The following EIF3B variants were observed in gnomAD, a reference collection of about 807,000 sequenced individuals.
EIF3B encodes the protein eukaryotic translation initiation factor 3 subunit 9.
In EIF3B, 10 loss-of-function variants were observed where a neutral mutation model predicts 104.6. That is an observed-to-expected ratio of 0.10 (90% CI 0.06 to 0.16). The LOEUF (loss-of-function observed/expected upper bound fraction) is 0.16. Ranked by LOEUF, EIF3B falls within the 10% of genes least tolerant of loss-of-function variation. The pLI is 1.00. For synonymous variants in EIF3B, 542 were observed against 417.2 expected (o/e 1.30, Z -3.65); for missense variants, 1,014 against 1,087.9 (o/e 0.93, Z 0.96).
Position 2,375,369 on chromosome 7 carries a change from G to T in EIF3B, c.1890-20G>T, listed in dbSNP as rs373560369. The T allele has an allele frequency of 6.2e-7, 1 of 1,613,442 alleles. No homozygotes were observed. The highest frequency in any genetic ancestry group is 8.5e-7 in the Non-Finnish European group (1 of 1,179,420). On this transcript the variant is annotated intron_variant, in intron 13 of 18. Coordinates refer to ENST00000360876, the MANE Select transcript of EIF3B (RefSeq NM_001037283.2). ...GGTATGCGTCTCCATGAAGCCTGACGGTCCTGTCTGTCTTTGCAGTATGAA... is the reference window on the plus strand; with the variant it reads ...GGTATGCGTCTCCATGAAGCCTGACTGTCCTGTCTGTCTTTGCAGTATGAA...
At position 2,357,698 on chromosome 7, in the gene EIF3B, G is replaced by A. The variant is rs543974011; in HGVS notation, c.499+2278G>A. On this transcript the variant is annotated intron_variant, in intron 1 of 18. Coordinates refer to ENST00000360876, the MANE Select transcript of EIF3B (RefSeq NM_001037283.2). ...TTCTCTTCTGTTTTTCCTGGAGACC[G>A]CTTGGGAATCCATGAGCCACGTGTA... Among the ~76,000 whole-genome samples the A allele has an allele frequency of 2.0e-5, 3 of 152,246 alleles. No individual in the cohort carries two copies. In the South Asian group the frequency reaches 6.2e-4, roughly 32 times the overall value.
chr7:2,375,536 C>T lies in EIF3B; in HGVS notation c.2028+9C>T. The T allele has an allele frequency of 6.2e-7, 1 of 1,614,128 alleles. No individual in the cohort carries two copies. The highest frequency in any genetic ancestry group is 1.1e-5 in the South Asian group (1 of 91,082). ...CCTGGTGGAGCCATAAGGTGCAGGC[C>T]TGTGGGGCATAGTTTTGACTGTGGA... On this transcript the variant is annotated intron_variant, in intron 14 of 18. Coordinates refer to ENST00000360876, the MANE Select transcript of EIF3B (RefSeq NM_001037283.2).
At chr7:2,368,709 C>G (rs1359037949) in intron 9 of EIF3B, among the ~76,000 whole-genome samples, 4 of 152,256 alleles carry the variant, frequency 2.6e-5, no homozygotes, top group African/African-American at 9.6e-5. Context: ...TCCTGGTACT[C>G]TTCCATCCGA....
chr7:2,364,926 C>T (rs184243495), intron 6 of EIF3B, among the ~76,000 whole-genome samples: 31 of 152,312 alleles, frequency 2.0e-4, no homozygotes, highest in Admixed American at 1.8e-3. Context: ...TACTTTCCTT[C>T]AGTTCAGGAT....
intron 12 of EIF3B, chr7:2,374,256 A>G (rs1380411961): frequency 2.9e-6 from 1 of 347,854 alleles, no homozygotes; most frequent in African/African-American, 2.0e-5. Context: ...CATTTGCTGT[A>G]AAGGGAATTC....
chr7:2,368,589 G>A (rs1404178058), intron 9 of EIF3B, among the ~76,000 whole-genome samples: 16 of 152,218 alleles, frequency 1.1e-4, no homozygotes, highest in Admixed American at 1.0e-3. Context: ...CAAGGCCAGA[G>A]CCTTGAGTCG....
At chr7:2,357,241 A>G (rs1031442773) in intron 1 of EIF3B, among the ~76,000 whole-genome samples, 2 of 152,212 alleles carry the variant, frequency 1.3e-5, no homozygotes, top group Admixed American at 6.5e-5. Context: ...AGGGTTGGCC[A>G]GGCTGGGTGA....
intron 1 of EIF3B, among the ~76,000 whole-genome samples, chr7:2,358,483 A>G (rs1779570217): frequency 7.0e-6 from 1 of 141,952 alleles, no homozygotes; most frequent in African/African-American, 2.5e-5. Context: ...TAAATACAGT[A>G]AAGAATATTT....
At chr7:2,365,255 G>C (rs1271453840) in intron 6 of EIF3B, among the ~76,000 whole-genome samples, 2 of 152,268 alleles carry the variant, frequency 1.3e-5, no homozygotes, top group South Asian at 2.1e-4. Flanking sequence ...TGGCCGAGCC[G>C]TGATTTTTGA....
At chr7:2,369,378 T>C in intron 9 of EIF3B, 94 bp from the exon 10 acceptor site, 2 of 1,332,400 alleles carry the variant, frequency 1.5e-6, no homozygotes, top group East Asian at 2.3e-5. Context: ...GCATTGAGCT[T>C]CTATATAGCA....
chr7:2,369,398 TTC>T (rs1780200703), intron 9 of EIF3B, 72 bp from the exon 10 acceptor site: 1 of 1,486,670 alleles, frequency 6.7e-7, no homozygotes, highest in East Asian at 2.3e-5. Flanking sequence ...AAATGAGTTG[TTC>T]TATTCTCTTC....
chr7:2,363,875 G>A (rs1203358991), intron 5 of EIF3B, 115 bp downstream of exon 5: 9 of 1,270,764 alleles, frequency 7.1e-6, no homozygotes, highest in Non-Finnish European at 9.6e-6. Context: ...TATTTTCTTT[G>A]AGATTACTTT....
intron 8 of EIF3B, 125 bp from the exon 9 acceptor site, chr7:2,366,874 T>C: frequency 9.6e-7 from 1 of 1,037,922 alleles, no homozygotes. Context: ...ACTGTCACGC[T>C]CTGTGTGCAC....
At chr7:2,355,610 C>T (rs1448338710) in intron 1 of EIF3B, among the ~76,000 whole-genome samples, 190 bp downstream of exon 1, 1 of 152,178 alleles carries the variant, frequency 6.6e-6, no homozygotes, top group East Asian at 1.9e-4. Flanking sequence ...CCCAGCGCCT[C>T]CCCTTTTCTT....
At chr7:2,372,036 T>C in intron 11 of EIF3B, 187 bp downstream of exon 11, 1 of 572,350 alleles carries the variant, frequency 1.7e-6, no homozygotes, top group South Asian at 2.1e-5. Context: ...ACCCTCTCTG[T>C]ACAAAAAACA....
At chr7:2,377,137 G>A (rs1023555564) in intron 15 of EIF3B, 62 bp downstream of exon 15, 8 of 1,537,920 alleles carry the variant, frequency 5.2e-6, no homozygotes, top group Non-Finnish European at 7.0e-6. Flanking sequence ...TTGAAAAGGT[G>A]TCAGTTTTTT....
intron 6 of EIF3B, among the ~76,000 whole-genome samples, 191 bp from the exon 7 acceptor site, chr7:2,366,126 C>T (rs947696246): frequency 1.3e-5 from 2 of 152,156 alleles, no homozygotes; most frequent in African/African-American, 4.8e-5. Flanking sequence ...GGAGCGCCTG[C>T]AGCGTATTGA....
At chr7:2,375,117 A>G (rs931763916) in intron 13 of EIF3B, 7 of 493,698 alleles carry the variant, frequency 1.4e-5, no homozygotes, top group Non-Finnish European at 2.6e-5. Context: ...CATTGTCCAC[A>G]CTTGCTACTG....
intron 12 of EIF3B, chr7:2,374,308 A>T: frequency 2.1e-6 from 1 of 477,962 alleles, no homozygotes; most frequent in Admixed American, 3.2e-5. Context: ...ATTGTTTTGA[A>T]ATACCCCTGT....
Sources: gnomAD v4.1 joint callset for allele counts (sites outside exome capture counted in the v4.1 genomes callset) on GRCh38, gnomAD v4.1.1 for gene constraint, MANE v1.5 for transcripts, NCBI Gene and HGNC (gene_info 2026-07-23, HGNC 2026-07-21) for gene names.